ABCB7: variants seen among roughly 807,000 people sequenced by gnomAD.
ABCB7 encodes the protein iron-sulfur clusters transporter ABCB7, mitochondrial.
ABCB7 carries 7 observed loss-of-function variants against 54.4 expected under a neutral mutation model. That is an observed-to-expected ratio of 0.13 (90% CI 0.07 to 0.24). The LOEUF (loss-of-function observed/expected upper bound fraction) is 0.24. Among genes scored for constraint, ABCB7 ranks in the 10% least tolerant of loss-of-function variants. ABCB7 has a pLI of 1.00. For missense variants in ABCB7, 356 were observed against 570.4 expected, an observed-to-expected ratio of 0.62 and a Z score of 3.83; for synonymous variants, 218 against 207.1, an observed-to-expected ratio of 1.05 and a Z score of -0.45.
At chrX:75,120,043 C>G (rs1307393481) in intron 1 of ABCB7, among the ~76,000 whole-genome samples, 3 of 111,737 alleles carry the variant, frequency 2.7e-5, no homozygotes, top group Non-Finnish European at 5.6e-5. Context: ...GAATATCAAA[C>G]AGAATAGGAG....
intron 1 of ABCB7, among the ~76,000 whole-genome samples, chrX:75,134,570 T>C (rs1033174345): frequency 2.7e-5 from 3 of 112,204 alleles, no homozygotes; most frequent in African/African-American, 9.7e-5. Flanking sequence ...GACCATATGC[T>C]TTACCATAAA....
rs779385966 is a variant in ABCB7 at position 75,071,687 on chromosome X, C to T, written c.1033-4G>A. The T allele has an allele frequency of 1.5e-5, 16 of 1,099,230 alleles. No homozygotes were observed. In the African/African-American group the frequency reaches 2.8e-4, roughly 19 times the overall value. The allele number at this position is 1,099,230 out of a possible 1,213,427, so 90.6% of individuals were successfully genotyped here. A position where few individuals can be genotyped will look rare whatever the true frequency, so the allele number is the denominator to read the frequency against. The stretch of plus-strand genomic sequence containing the variant: ...CATATCTTTCATTATTAAAATACTA[C>T]AAAATATATAAAAATAACTATAGGC... On this transcript the variant is annotated splice_polypyrimidine_tract_variant and splice_region_variant and intron_variant, in intron 8 of 15. Coordinates refer to ENST00000373394, the MANE Select transcript of ABCB7 (RefSeq NM_001271696.3).
Position 75,153,766 on chromosome X carries a change from A to ATATATATATG in ABCB7, c.168+2338_168+2339insCATATATATA, listed in dbSNP as rs1438728596. 1.5e-4 allele frequency among the ~76,000 whole-genome samples: 15 copies of ATATATATATG among 102,325 alleles called. No homozygotes were observed. The Admixed American group carries it at 1.5e-3, about 10-fold the overall frequency. 88.9% of individuals were successfully genotyped at this position (102,325 alleles called of 115,157 possible). A position where few individuals can be genotyped will look rare whatever the true frequency, so the allele number is the denominator to read the frequency against. Reference sequence around the variant, plus strand: ...TGTGTGCGTGTGTGTGTGTGTATATATATATATAAAATATATATGTGTGTG... The same window carrying ATATATATATG: ...TGTGTGCGTGTGTGTGTGTGTATATATATATATATGTATATATAAAATATATATGTGTGTG... On this transcript the variant is annotated intron_variant, in intron 1 of 15. Transcript: ENST00000373394.
intron 3 of ABCB7, among the ~76,000 whole-genome samples, chrX:75,110,804 T>C (rs1191463054): frequency 8.9e-6 from 1 of 112,333 alleles, no homozygotes; most frequent in Non-Finnish European, 1.9e-5. Flanking sequence ...TTAATTCATC[T>C]ACTTTAAAAA....
At chrX:75,126,962 T>G (rs1366607796) in intron 1 of ABCB7, among the ~76,000 whole-genome samples, 1 of 111,353 alleles carries the variant, frequency 9.0e-6, no homozygotes, top group Non-Finnish European at 1.9e-5. Flanking sequence ...GATTCACAGC[T>G]GAATTCTACC....
intron 4 of ABCB7, chrX:75,097,468 C>T (rs1040392599): frequency 1.8e-5 from 2 of 111,719 alleles, no homozygotes; most frequent in African/African-American, 6.5e-5. Context: ...TTTATTAGGG[C>T]AATAAAATAA....
Position 75,052,195 on chromosome X carries a change from G to C in ABCB7, c.*1175C>G, listed in dbSNP as rs1157519948. 9.0e-6 allele frequency: 1 copy of C among 111,410 alleles called. No homozygotes were observed. Among genetic ancestry groups the C allele is most frequent in the Non-Finnish European group, 1.9e-5 (1 of 53,126 alleles). The allele number at this position is 111,410 out of a possible 1,213,427, so 9.2% of individuals were successfully genotyped here. On this transcript the variant is annotated 3_prime_UTR_variant, in exon 16 of 16. Coordinates refer to ENST00000373394, the MANE Select transcript of ABCB7 (RefSeq NM_001271696.3). ...TTCAAAAATTCTAGCGGCCGGGTGCGGTGGCTCAAGCCTGTAATCCCAGCA... is the reference window on the plus strand; with the variant it reads ...TTCAAAAATTCTAGCGGCCGGGTGCCGTGGCTCAAGCCTGTAATCCCAGCA...
At chrX:75,085,453 T>A (rs2081489595) in intron 4 of ABCB7, among the ~76,000 whole-genome samples, 2 of 111,448 alleles carry the variant, frequency 1.8e-5, no homozygotes. Context: ...GGAAAGGGTA[T>A]GACTATAAAG....
At chrX:75,097,791 T>A (rs896189243) in intron 4 of ABCB7, among the ~76,000 whole-genome samples, 6 of 111,889 alleles carry the variant, frequency 5.4e-5, no homozygotes, top group African/African-American at 1.9e-4. Flanking sequence ...TTATTTTTAA[T>A]ACTTGTATTT....
chrX:75,076,602 T>C lies in ABCB7; in HGVS notation c.506A>G (p.Asn169Ser). Residue 169 changes from asparagine to serine, a missense_variant, in exon 5 of 16, where the codon AAC becomes AGC. Around this residue, in one of 2 missense-constraint regions of ABCB7, gnomAD observed 241 missense variants for 470.9 expected, o/e 0.51. Transcript: ENST00000373394. Reference sequence around the variant, plus strand: ...GTTCAGCATGTTTCCCGACATCTGGTTGAGGCTGTCTACAGCATATTTAAA... The same window carrying C: ...GTTCAGCATGTTTCCCGACATCTGGCTGAGGCTGTCTACAGCATATTTAAA... ...FMFKYAVDSL[N>S]QMSGNMLNLS... The C allele has an allele frequency of 5.0e-6, 6 of 1,210,850 alleles. No homozygotes were observed. The highest frequency in any genetic ancestry group is 4.5e-6 in the Non-Finnish European group (4 of 894,592).
At chrX:75,124,692 C>T (rs745491249) in intron 1 of ABCB7, among the ~76,000 whole-genome samples, 4 of 111,707 alleles carry the variant, frequency 3.6e-5, no homozygotes, top group Non-Finnish European at 7.5e-5. Flanking sequence ...ACCAAAGACA[C>T]ATTTTAGACA....
chrX:75,099,874 C>T (rs767055359), intron 3 of ABCB7, among the ~76,000 whole-genome samples: 18 of 106,780 alleles, frequency 1.7e-4, no homozygotes, highest in African/African-American at 5.8e-4. Flanking sequence ...ATAAAACATA[C>T]CCAAAAAACA....
At chrX:75,137,732 A>G (rs1002042545) in intron 1 of ABCB7, among the ~76,000 whole-genome samples, 2 of 112,256 alleles carry the variant, frequency 1.8e-5, no homozygotes, top group African/African-American at 6.5e-5. Context: ...TTGCAGCAAC[A>G]TGGAGCTGGA....
chrX:75,083,515 C>T (rs894514366), intron 4 of ABCB7, among the ~76,000 whole-genome samples: 27 of 111,392 alleles, frequency 2.4e-4, no homozygotes, highest in Non-Finnish European at 4.1e-4. Context: ...AATTGGTCTA[C>T]ATTTTTAATA....
At chrX:75,155,118 T>C (rs2082163729) in intron 1 of ABCB7, among the ~76,000 whole-genome samples, 1 of 113,025 alleles carries the variant, frequency 8.8e-6, no homozygotes, top group African/African-American at 3.2e-5. Context: ...GTTATTTTTG[T>C]AATGCATAGA....
intron 1 of ABCB7, among the ~76,000 whole-genome samples, chrX:75,134,565 T>C (rs2081996345): frequency 8.9e-6 from 1 of 112,037 alleles, no homozygotes; most frequent in African/African-American, 3.2e-5. Context: ...AAATAGACCA[T>C]ATGCTTTACC....
intron 1 of ABCB7, among the ~76,000 whole-genome samples, chrX:75,143,489 G>T (rs1275074021): frequency 9.0e-6 from 1 of 111,495 alleles, no homozygotes; most frequent in African/African-American, 3.3e-5. Context: ...TCCAACCTCT[G>T]CCTGGTACCC....
intron 1 of ABCB7, among the ~76,000 whole-genome samples, chrX:75,132,800 C>A (rs895981888): frequency 2.7e-5 from 3 of 112,332 alleles, no homozygotes; most frequent in Non-Finnish European, 5.6e-5. Context: ...AAAGACCCTG[C>A]GGCAAGCCTC....
chrX:75,070,660 G>T, intron 9 of ABCB7, 138 bp from the exon 10 acceptor site: 1 of 635,348 alleles, frequency 1.6e-6, no homozygotes, highest in Non-Finnish European at 2.5e-6. Flanking sequence ...CAATTTCAAA[G>T]CATTAATCCA....
Sources: gnomAD v4.1 joint callset for allele counts (sites outside exome capture counted in the v4.1 genomes callset) on GRCh38, gnomAD v4.1.1 for gene constraint, gnomAD v4.1.1 regional missense constraint, MANE v1.5 for transcripts, NCBI Gene and HGNC (gene_info 2026-07-23, HGNC 2026-07-21) for gene names.